The following HTR3A variants were observed in gnomAD, a reference collection of about 807,000 sequenced individuals.
HTR3A encodes 5-hydroxytryptamine (serotonin) receptor 3A, ionotropic.
HTR3A carries 45 observed loss-of-function variants against 54.8 expected under a neutral mutation model. The ratio of observed to expected loss-of-function variants is 0.82; its 90% CI spans 0.65 to 1.05. HTR3A has a LOEUF of 1.05. Ranked by LOEUF, HTR3A falls within the 50% of genes least tolerant of loss-of-function variation. HTR3A has a pLI of 0.00. For missense variants in HTR3A, 657 were observed against 614.0 expected, an observed-to-expected ratio of 1.07 and a Z score of -0.74; for synonymous variants, 297 against 256.0, an observed-to-expected ratio of 1.16 and a Z score of -1.53.
At chr11:113,982,329 C>T (rs1450313186) in intron 4 of HTR3A, among the ~76,000 whole-genome samples, 1 of 80,498 alleles carries the variant, frequency 1.2e-5, no homozygotes, top group Admixed American at 1.7e-4. Flanking sequence ...CCAGGGGGTG[C>T]CACTGACATT....
intron 3 of HTR3A, among the ~76,000 whole-genome samples, chr11:113,979,519 C>T (rs1242215478): frequency 1.3e-5 from 2 of 152,122 alleles, no homozygotes; most frequent in Non-Finnish European, 2.9e-5. Flanking sequence ...CAAAGCACCC[C>T]AAACTATGGC....
chr11:113,979,008 G>C (rs1415241890), intron 2 of HTR3A, among the ~76,000 whole-genome samples: 1 of 152,160 alleles, frequency 6.6e-6, no homozygotes, highest in African/African-American at 2.4e-5. Context: ...ATTAAAAAAT[G>C]AATCATTTTT....
rs76094610 is a variant in HTR3A at position 113,980,919 on chromosome 11, T to A, written c.265-284T>A. On this transcript the variant is annotated intron_variant, in intron 3 of 8. Transcript: ENST00000504030. ...ATCCAAGAAGTTATTTGTCTGAGATTCTCAGCTGGCGGAGGGGGAACTCAC... is the reference window on the plus strand; with the variant it reads ...ATCCAAGAAGTTATTTGTCTGAGATACTCAGCTGGCGGAGGGGGAACTCAC... 731 of 452,442 alleles carry A rather than the reference T, an allele frequency of 1.6e-3. 8 individuals carry two copies. The East Asian group carries it at 0.027, about 17-fold the overall frequency. 28.0% of individuals were successfully genotyped at this position (452,442 alleles called of 1,614,324 possible).
intron 6 of HTR3A, 89 bp downstream of exon 6, chr11:113,986,264 CT>C: frequency 4.6e-6 from 7 of 1,516,366 alleles, no homozygotes; most frequent in Non-Finnish European, 4.6e-6. Flanking sequence ...CTTCTATAGC[CT>C]TTTTCCAACC....
At position 113,989,383 on chromosome 11, in the gene HTR3A, C is replaced by T; in HGVS notation, c.1139-82C>T. 1 of 1,500,422 alleles carries T rather than the reference C, an allele frequency of 6.7e-7. No homozygotes were observed. Among genetic ancestry groups the T allele is most frequent in the Non-Finnish European group, 9.3e-7 (1 of 1,079,764 alleles). 92.9% of individuals were successfully genotyped at this position (1,500,422 alleles called of 1,614,324 possible). ...AAAAGTTATTCCCAACAAAAATTTA[C>T]AGGCTATAGAAGCATAAGGAACCAT... On this transcript the variant is annotated intron_variant, in intron 8 of 8. Coordinates refer to ENST00000504030, the MANE Select transcript of HTR3A (RefSeq NM_000869.6). This position sits in a 1 kb window ranked among gnomAD's most constrained non-coding sequence, Gnocchi z 4.4.
intron 1 of HTR3A, among the ~76,000 whole-genome samples, chr11:113,977,034 G>A (rs566021125): frequency 5.9e-5 from 9 of 152,060 alleles, no homozygotes; most frequent in South Asian, 2.1e-4. Flanking sequence ...CCCGGAAGTC[G>A]TTTGATTTCT....
chr11:113,980,153 G>A (rs1950404578), intron 3 of HTR3A, among the ~76,000 whole-genome samples: 1 of 152,226 alleles, frequency 6.6e-6, no homozygotes, highest in South Asian at 2.1e-4. Flanking sequence ...AGTACAGGCA[G>A]CCTGGAGCTC....
Position 113,989,417 on chromosome 11 carries a change from C to A in HTR3A, c.1139-48C>A, listed in dbSNP as rs1355649136. 1 of 1,606,960 alleles carries A rather than the reference C, an allele frequency of 6.2e-7. No individual in the cohort carries two copies. Among genetic ancestry groups the A allele is most frequent in the Admixed American group, 1.7e-5 (1 of 60,006 alleles). The stretch of plus-strand genomic sequence containing the variant: ...GAAGCATAAGGAACCATGTTCAGGT[C>A]ACCACCCGGGGTCTCCCTCTCTTGC... On this transcript the variant is annotated intron_variant, in intron 8 of 8. Transcript: ENST00000504030. This position sits in a 1 kb window ranked among gnomAD's most constrained non-coding sequence, Gnocchi z 4.4.
Position 113,986,309 on chromosome 11 carries a change from T to C in HTR3A, c.705+134T>C, listed in dbSNP as rs771750766. 167 of 1,214,982 alleles carry C rather than the reference T, an allele frequency of 1.4e-4. 1 individual carries two copies. Among genetic ancestry groups the C allele is most frequent in the Middle Eastern group, 5.2e-4 (2 of 3,814 alleles). The allele number at this position is 1,214,982 out of a possible 1,614,324, so 75.3% of individuals were successfully genotyped here. On this transcript the variant is annotated intron_variant, in intron 6 of 8. Transcript: ENST00000504030. ...GCACACATCTGGAACTTCAGTGAAG[T>C]AGATGGAGAAACTCCATGAATGTCC...
chr11:113,986,226 G>C, intron 6 of HTR3A, 51 bp downstream of exon 6: 1 of 1,607,446 alleles, frequency 6.2e-7, no homozygotes, highest in Non-Finnish European at 8.5e-7. Flanking sequence ...TCACATCCAG[G>C]TAGACTTAAG....
chr11:113,986,566 C>T lies in HTR3A; in HGVS notation c.754C>T (p.Pro252Ser), dbSNP rs772724364. Residue 252 changes from proline (P) to serine (S), a missense_variant, in exon 7 of 9, where the codon CCC (proline) becomes TCC (serine). Physicochemically the swap from Pro to Ser is moderately conservative, Grantham distance 74 (BLOSUM62 -1). Coordinates refer to ENST00000504030, the MANE Select transcript of HTR3A (RefSeq NM_000869.6). ...PLFYVVSLLL[P>S]SIFLMVMDIV... ...CTTCTATGTGGTCAGCCTGCTACTG[C>T]CCAGCATCTTCCTCATGGTCATGGA... is the stretch of plus-strand genomic sequence containing the variant. 1 of 1,613,198 alleles carries T rather than the reference C, an allele frequency of 6.2e-7. No individual in the cohort carries two copies. The highest frequency in any genetic ancestry group is 1.1e-5 in the South Asian group (1 of 91,078).
At position 113,979,244 on chromosome 11, in the gene HTR3A, T is replaced by C; in HGVS notation, c.231T>C (p.Asn77=). ...CTTTCCTTTCCCAGGATGAGAAGAA[T>C]CAGGTGCTGACCACCTACATCTGGT... ...VYAILNVDEK[N]QVLTTYIWYR... is the part of the protein sequence containing the mutation. The change falls in exon 3 of 9, where the codon AAT becomes AAC. Residue 77 remains asparagine, a synonymous_variant. Coordinates refer to ENST00000504030, the MANE Select transcript of HTR3A (RefSeq NM_000869.6). The C allele has an allele frequency of 6.2e-7, 1 of 1,613,166 alleles. No homozygotes were observed. The highest frequency in any genetic ancestry group is 8.5e-7 in the Non-Finnish European group (1 of 1,179,736).
chr11:113,987,257 T>C (rs1245614581), intron 8 of HTR3A, among the ~76,000 whole-genome samples: 1 of 152,190 alleles, frequency 6.6e-6, no homozygotes, highest in East Asian at 1.9e-4. Flanking sequence ...CCTTGGGTGT[T>C]GACAGAGAGG....
Position 113,977,786 on chromosome 11 carries a change from A to G in HTR3A, c.83A>G (p.Asn28Ser). 1 of 1,614,122 alleles carries G rather than the reference A, an allele frequency of 6.2e-7. No individual in the cohort carries two copies. The highest frequency in any genetic ancestry group is 8.5e-7 in the Non-Finnish European group (1 of 1,180,034). Residue 28 changes from asparagine (N) to serine (S), a missense_variant, in exon 2 of 9, where the codon AAC (asparagine) becomes AGC (serine). Coordinates refer to ENST00000504030, the MANE Select transcript of HTR3A (RefSeq NM_000869.6). ...LAQGEARRSR[N>S]TTRPALLRLS... ...TCCTTCCCAGCCAGGAGGAGCCGAA[A>G]CACCACCAGGCCCGCTCTGCTGAGG...
intron 4 of HTR3A, among the ~76,000 whole-genome samples, chr11:113,982,256 A>G (rs1950430009): frequency 6.6e-6 from 1 of 152,184 alleles, no homozygotes; most frequent in Non-Finnish European, 1.5e-5. Context: ...GAGACGGAGG[A>G]AAAGGGAAGG....
chr11:113,989,371 A>C lies in HTR3A; in HGVS notation c.1139-94A>C. On this transcript the variant is annotated intron_variant, in intron 8 of 8. Transcript: ENST00000504030. This position sits in a 1 kb window ranked among gnomAD's most constrained non-coding sequence, Gnocchi z 4.4. ...GAGTGAGAAAAAAAAAGTTATTCCCAACAAAAATTTACAGGCTATAGAAGC... is the reference window on the plus strand; with the variant it reads ...GAGTGAGAAAAAAAAAGTTATTCCCCACAAAAATTTACAGGCTATAGAAGC... 3 of 1,457,198 alleles carry C rather than the reference A, an allele frequency of 2.1e-6. No homozygotes were observed. Among genetic ancestry groups the C allele is most frequent in the Non-Finnish European group, 2.9e-6 (3 of 1,041,552 alleles). The allele number at this position is 1,457,198 out of a possible 1,614,324, so 90.3% of individuals were successfully genotyped here.
chr11:113,976,572 TGTGTGTG>T (rs3222276), intron 1 of HTR3A, among the ~76,000 whole-genome samples: 3 of 1,496 alleles, frequency 2.0e-3, no homozygotes, highest in Non-Finnish European at 8.5e-3. Context: ...AAAAATAGTT[TGTGTGTG>T]TGTGTGTGTG....
At chr11:113,986,449 T>C in intron 6 of HTR3A, 69 bp from the exon 7 acceptor site, 1 of 1,555,560 alleles carries the variant, frequency 6.4e-7, no homozygotes, top group South Asian at 1.1e-5. Context: ...GAATCTGAGC[T>C]TGTGGGGTGG....
At chr11:113,984,896 T>C (rs548114702) in intron 5 of HTR3A, among the ~76,000 whole-genome samples, 1 of 11,678 alleles carries the variant, frequency 8.6e-5, no homozygotes, top group East Asian at 0.026. Context: ...CCAGCCTGGG[T>C]GACAAGTCTG....
Sources: gnomAD v4.1 joint callset for allele counts (sites outside exome capture counted in the v4.1 genomes callset) on GRCh38, gnomAD v4.1.1 for gene constraint, Gnocchi (gnomAD v3.1) non-coding constraint, MANE v1.5 for transcripts, NCBI Gene and HGNC (gene_info 2026-07-23, HGNC 2026-07-21) for gene names.